The following ZNF236 variants were observed in gnomAD, a reference collection of about 807,000 sequenced individuals.
ZNF236 encodes regulated by glucose.
A neutral mutation model predicts 191.2 loss-of-function variants in ZNF236; 50 were observed. The ratio of observed to expected loss-of-function variants is 0.26; its 90% CI spans 0.21 to 0.33. The LOEUF is 0.33. ZNF236 is among the 10% of genes least tolerant of loss of function. ZNF236 has a pLI of 1.00. For synonymous variants in ZNF236, 907 were observed against 928.8 expected (o/e 0.98, Z 0.43); for missense variants, 1,754 against 2,374.5 (o/e 0.74, Z 5.43).
At chr18:76,950,594 A>C (rs1348527858) in intron 27 of ZNF236, among the ~76,000 whole-genome samples, 1 of 147,452 alleles carries the variant, frequency 6.8e-6, no homozygotes, top group Admixed American at 6.8e-5. Flanking sequence ...TCTGTTGCCC[A>C]TTCCTCCACA....
intron 19 of ZNF236, among the ~76,000 whole-genome samples, chr18:76,916,187 T>A (rs1967359844): frequency 6.6e-6 from 1 of 152,256 alleles, no homozygotes; most frequent in Admixed American, 6.5e-5. Flanking sequence ...TATCTTGCTC[T>A]ATATAGTGTA....
chr18:76,842,443 T>G (rs2122464942), intron 1 of ZNF236, among the ~76,000 whole-genome samples: 1 of 151,840 alleles, frequency 6.6e-6, no homozygotes, highest in Non-Finnish European at 1.5e-5. Flanking sequence ...CTCAACTTTT[T>G]TTTTTTTTTT....
intron 30 of ZNF236, among the ~76,000 whole-genome samples, chr18:76,966,141 C>T: frequency 6.6e-6 from 1 of 152,174 alleles, no homozygotes; most frequent in East Asian, 1.9e-4. Flanking sequence ...TCTCAGGTTT[C>T]CTGATTTATT....
At chr18:76,917,321 G>A (rs1967396575) in intron 19 of ZNF236, among the ~76,000 whole-genome samples, 1 of 152,222 alleles carries the variant, frequency 6.6e-6, no homozygotes, top group African/African-American at 2.4e-5. Context: ...TTTGGAGAGT[G>A]TTAATTTATC....
chr18:76,824,270 C>T, intron 1 of ZNF236: 1 of 777,342 alleles, frequency 1.3e-6, no homozygotes, highest in South Asian at 1.3e-5. Flanking sequence ...GAATTCTTGT[C>T]GTGATTGCAC....
intron 1 of ZNF236, chr18:76,840,779 G>GTGTGTGTT (rs1377425969): frequency 1.2e-5 from 1 of 82,006 alleles, no homozygotes; most frequent in East Asian, 2.3e-4. Context: ...TATAACCTGT[G>GTGTGTGTT]TGTGTGTGTG....
intron 1 of ZNF236, among the ~76,000 whole-genome samples, chr18:76,838,430 A>C (rs1487672010): frequency 6.6e-6 from 1 of 152,176 alleles, no homozygotes; most frequent in African/African-American, 2.4e-5. Context: ...TGACCTGTGG[A>C]AAGTCGTGGA....
chr18:76,910,285 C>A, intron 15 of ZNF236, 116 bp downstream of exon 15: 1 of 888,596 alleles, frequency 1.1e-6, no homozygotes, highest in Non-Finnish European at 1.7e-6. Context: ...TGGTTTCAAA[C>A]CAAATAACTT....
At chr18:76,844,018 T>C (rs12458518) in intron 1 of ZNF236, among the ~76,000 whole-genome samples, 28,144 of 151,514 alleles carry the variant, frequency 0.19, 2,809 homozygotes, top group East Asian at 0.37. Context: ...TTTGGGAGGC[T>C]GAGGCGGCGT....
chr18:76,918,925 C>T (rs1323721205), intron 19 of ZNF236, among the ~76,000 whole-genome samples: 1 of 152,144 alleles, frequency 6.6e-6, no homozygotes, highest in African/African-American at 2.4e-5. Context: ...TTTCTAACTG[C>T]AGTCGGTTGA....
chr18:76,940,252 TG>T (rs1968104266), intron 26 of ZNF236, among the ~76,000 whole-genome samples: 2 of 149,596 alleles, frequency 1.3e-5, no homozygotes, highest in Admixed American at 1.3e-4. Flanking sequence ...GGGAACACGG[TG>T]GGCGACCCTA....
rs751142793 is a variant in ZNF236, at chr18:76,972,622, A to G, written c.*4283A>G. The stretch of plus-strand genomic sequence containing the variant: ...TTTAATCTTTTATGTGTAACACTTT[A>G]CAGCATGAAGACGTATTCTATCAAT... On this transcript the variant is annotated 3_prime_UTR_variant, in exon 31 of 31. Coordinates refer to ENST00000320610, the MANE Select transcript of ZNF236 (RefSeq NM_001306089.2). Among the ~76,000 whole-genome samples, 40 of 152,258 alleles carry G rather than the reference A, an allele frequency of 2.6e-4. No homozygotes were observed. Among genetic ancestry groups the G allele is most frequent in the Non-Finnish European group, 5.9e-4 (40 of 68,038 alleles).
At chr18:76,897,363 C>T (rs186535078) in intron 10 of ZNF236, among the ~76,000 whole-genome samples, 1 of 151,600 alleles carries the variant, frequency 6.6e-6, no homozygotes, top group Admixed American at 6.6e-5. Context: ...AACAGTACTG[C>T]ACACAAGTAG....
intron 1 of ZNF236, among the ~76,000 whole-genome samples, chr18:76,829,603 A>G (rs1007666211): frequency 7.2e-5 from 11 of 152,244 alleles, no homozygotes; most frequent in African/African-American, 2.2e-4. Flanking sequence ...TTGGGATTAC[A>G]GGCATGAGCC....
At chr18:76,905,084 G>A (rs1977703131) in intron 12 of ZNF236, 71 bp from the exon 13 acceptor site, 2 of 1,411,930 alleles carry the variant, frequency 1.4e-6, no homozygotes, top group South Asian at 1.4e-5. Flanking sequence ...AAATGCAAGA[G>A]TGCATTCTAG....
intron 25 of ZNF236, among the ~76,000 whole-genome samples, chr18:76,934,717 C>T (rs486131): frequency 0.67 from 101,351 of 152,188 alleles, 34,441 homozygotes; most frequent in East Asian, 0.86. Context: ...AGTTGTCCCT[C>T]TGAGTGACCT....
At chr18:76,928,750 T>C (rs1285834118) in intron 25 of ZNF236, among the ~76,000 whole-genome samples, 1 of 152,056 alleles carries the variant, frequency 6.6e-6, no homozygotes, top group Non-Finnish European at 1.5e-5. Flanking sequence ...TGTGTTCGGA[T>C]CTCAGTGAGC....
At chr18:76,847,945 G>A (rs971629725) in intron 1 of ZNF236, among the ~76,000 whole-genome samples, 2 of 152,192 alleles carry the variant, frequency 1.3e-5, no homozygotes, top group African/African-American at 2.4e-5. Context: ...TATGTATGAA[G>A]TTGCAGTCTT....
At chr18:76,838,655 TACTTGACCCCCAATCTAG>T (rs1599316985) in intron 1 of ZNF236, among the ~76,000 whole-genome samples, 1 of 152,242 alleles carries the variant, frequency 6.6e-6, no homozygotes, top group Non-Finnish European at 1.5e-5. Context: ...AGGCCACAGT[TACTTGACCCCCAATCTAG>T]AGGAAAAGAC....
Sources: allele counts gnomAD v4.1 joint callset (sites outside exome capture counted in the v4.1 genomes callset), GRCh38; gene constraint gnomAD v4.1.1; transcripts MANE v1.5; gene names NCBI Gene and HGNC (gene_info 2026-07-23, HGNC 2026-07-21).